STK39: variants seen among roughly 807,000 people sequenced by gnomAD.
The protein encoded by STK39 is serine/threonine kinase 39, also known as STE20/SPS1-related proline-alanine-rich protein kinase.
A neutral mutation model predicts 77.8 loss-of-function variants in STK39; 20 were observed. The ratio of observed to expected loss-of-function variants is 0.26; its 90% CI spans 0.18 to 0.37. The LOEUF (loss-of-function observed/expected upper bound fraction) is 0.37, where lower values mean the gene tolerates loss of function less well. STK39 is among the 10% of genes least tolerant of loss of function. The pLI, the probability that STK39 is intolerant of heterozygous loss-of-function variation, is 1.00. For missense variants in STK39, 479 were observed against 656.5 expected, an observed-to-expected ratio of 0.73 and a Z score of 2.95; for synonymous variants, 246 against 234.1, an observed-to-expected ratio of 1.05 and a Z score of -0.47.
chr2:168,022,868 G>A (rs553065778), intron 14 of STK39, among the ~76,000 whole-genome samples: 1 of 152,220 alleles, frequency 6.6e-6, no homozygotes, highest in East Asian at 1.9e-4. Context: ...GAAACCTAAC[G>A]AAAAGAAAAT....
intron 10 of STK39, among the ~76,000 whole-genome samples, chr2:168,089,760 C>T (rs1176577177): frequency 6.6e-6 from 1 of 152,182 alleles, no homozygotes; most frequent in African/African-American, 2.4e-5. Context: ...ATTACAGGCG[C>T]CCGCCACCAC....
chr2:167,963,534 A>ACAC (rs1553506925), intron 17 of STK39, among the ~76,000 whole-genome samples: 1 of 148,356 alleles, frequency 6.7e-6, no homozygotes, highest in South Asian at 2.2e-4. Flanking sequence ...AAAAAAAAAA[A>ACAC]AAACACACAC....
At chr2:168,148,152 T>C (rs73971322) in intron 5 of STK39, among the ~76,000 whole-genome samples, 5,259 of 152,314 alleles carry the variant, frequency 0.035, 269 homozygotes, top group East Asian at 0.24. Context: ...TTTAGCAAAG[T>C]GCTTTCGCTC....
intron 17 of STK39, among the ~76,000 whole-genome samples, chr2:167,956,694 ACACT>A (rs1353897566): frequency 2.6e-4 from 11 of 41,720 alleles, no homozygotes; most frequent in East Asian, 2.0e-3. Flanking sequence ...ACACACACAC[ACACT>A]CTCTCTCTCT....
chr2:168,061,771 A>G (rs912743346), intron 14 of STK39, among the ~76,000 whole-genome samples: 2 of 152,370 alleles, frequency 1.3e-5, no homozygotes. Flanking sequence ...CATTCCTTGC[A>G]AATATACAAA....
chr2:168,024,070 A>G (rs1024033567), intron 14 of STK39, among the ~76,000 whole-genome samples: 7 of 152,194 alleles, frequency 4.6e-5, no homozygotes, highest in Non-Finnish European at 1.0e-4. Context: ...AAAAAGGCTA[A>G]GCTAGGAATT....
intron 10 of STK39, among the ~76,000 whole-genome samples, chr2:168,091,008 C>T (rs1345663217): frequency 2.0e-5 from 3 of 152,104 alleles, no homozygotes; most frequent in East Asian, 1.9e-4. Flanking sequence ...AACATCCTAT[C>T]GTGCTGGGAA....
intron 1 of STK39, among the ~76,000 whole-genome samples, chr2:168,228,608 T>C (rs896875879): frequency 6.6e-6 from 1 of 152,114 alleles, no homozygotes; most frequent in African/African-American, 2.4e-5. Context: ...CTGACCAACA[T>C]GGTGAAACCC....
At chr2:167,981,988 C>T (rs1683432037) in intron 16 of STK39, among the ~76,000 whole-genome samples, 1 of 152,104 alleles carries the variant, frequency 6.6e-6, no homozygotes, top group Non-Finnish European at 1.5e-5. Context: ...ACGTCCTTGC[C>T]AGAAACTTGA....
At chr2:168,000,574 T>C (rs1039330004) in intron 16 of STK39, among the ~76,000 whole-genome samples, 7 of 152,152 alleles carry the variant, frequency 4.6e-5, no homozygotes, top group African/African-American at 1.7e-4. Context: ...CATGAACAAA[T>C]ACAAGAATTA....
At chr2:167,987,349 G>A (rs1258120230) in intron 16 of STK39, among the ~76,000 whole-genome samples, 1 of 152,044 alleles carries the variant, frequency 6.6e-6, no homozygotes, top group Non-Finnish European at 1.5e-5. Context: ...GCATATACTC[G>A]GAAGCTTTTT....
At chr2:168,169,922 G>A (rs537536639) in intron 2 of STK39, among the ~76,000 whole-genome samples, 6 of 144,556 alleles carry the variant, frequency 4.2e-5, no homozygotes, top group Non-Finnish European at 7.4e-5. Context: ...CCATGCAGCT[G>A]AGCCATCCCT....
intron 1 of STK39, among the ~76,000 whole-genome samples, chr2:168,195,139 C>A (rs1194541258): frequency 6.6e-6 from 1 of 152,154 alleles, no homozygotes; most frequent in African/African-American, 2.4e-5. Context: ...ACTTTTACAT[C>A]CTCGTTGTCA....
intron 16 of STK39, among the ~76,000 whole-genome samples, chr2:168,000,278 G>GA (rs917946442): frequency 1.6e-4 from 24 of 152,134 alleles, no homozygotes; most frequent in Admixed American, 1.4e-3. Context: ...AGTTCATCAT[G>GA]AAAAAAATAT....
intron 16 of STK39, among the ~76,000 whole-genome samples, chr2:167,996,422 T>A (rs1217505128): frequency 2.0e-5 from 3 of 152,246 alleles, no homozygotes; most frequent in Non-Finnish European, 4.4e-5. Flanking sequence ...AAGAAGTCTG[T>A]ACAAACGAGT....
chr2:168,100,056 C>A (rs6718005), intron 10 of STK39, among the ~76,000 whole-genome samples: 151,402 of 152,344 alleles, frequency 0.99, 75,239 homozygotes, highest in Middle Eastern at 1. Flanking sequence ...TAATTCTTAG[C>A]TGGGCTAATA....
At chr2:168,004,760 A>G (rs1032216244) in intron 16 of STK39, among the ~76,000 whole-genome samples, 1 of 151,688 alleles carries the variant, frequency 6.6e-6, no homozygotes, top group African/African-American at 2.4e-5. Flanking sequence ...ATTAAAATAT[A>G]AAAGATAAAG....
intron 16 of STK39, among the ~76,000 whole-genome samples, chr2:167,968,467 A>G (rs1233840913): frequency 6.6e-6 from 1 of 152,226 alleles, no homozygotes; most frequent in Non-Finnish European, 1.5e-5. Context: ...ATACCAGCTT[A>G]TTTCACAACA....
chr2:168,057,996 T>C (rs1397869556), intron 14 of STK39, among the ~76,000 whole-genome samples: 1 of 152,164 alleles, frequency 6.6e-6, no homozygotes, highest in African/African-American at 2.4e-5. Context: ...ATCATTCCCA[T>C]TCACCTGTAA....
Sources: allele counts gnomAD v4.1 joint callset (sites outside exome capture counted in the v4.1 genomes callset), GRCh38; gene constraint gnomAD v4.1.1; transcripts MANE v1.5; gene names NCBI Gene and HGNC (gene_info 2026-07-23, HGNC 2026-07-21).